PEX11G: variants seen among roughly 807,000 people sequenced by gnomAD.
PEX11G encodes peroxisomal membrane protein 11C.
In PEX11G, 20 loss-of-function variants were observed where a neutral mutation model predicts 22.5. The observed-to-expected ratio is 0.89, with a 90% CI of 0.62 to 1.29. PEX11G has a LOEUF of 1.29. Ranked by LOEUF, PEX11G falls within the 50% of genes most tolerant of loss-of-function variation. PEX11G has a pLI of 0.00. For missense variants in PEX11G, 347 were observed against 331.3 expected (o/e 1.05, Z -0.37); for synonymous variants, 141 against 154.5 (o/e 0.91, Z 0.65).
chr19:7,484,869 T>A (rs1212603857), intron 2 of PEX11G, among the ~76,000 whole-genome samples: 1 of 152,096 alleles, frequency 6.6e-6, no homozygotes, highest in African/African-American at 2.4e-5. Context: ...TAAAATTATA[T>A]CCTCCTTTGG....
Position 7,477,431 on chromosome 19 carries a change from A to G in PEX11G, c.497T>C (p.Leu166Pro). 1 of 1,446,006 alleles carries G rather than the reference A, an allele frequency of 6.9e-7. No homozygotes were observed. 89.6% of individuals were successfully genotyped at this position (1,446,006 alleles called of 1,614,324 possible). The change falls in exon 5 of 5, where the codon CTG becomes CCG. Residue 166 changes from leucine (L) to proline (P), a missense_variant. Leu to Pro is a moderately conservative substitution (Grantham distance 98). Transcript: ENST00000221480. ...CATGGCCCTCCGCTTGCCCCGGGGC[A>G]GCGGGCTGTGGGGCAGAGAGGGGCC... is the stretch of plus-strand genomic sequence containing the variant. ...RSPTAPFTSP[L>P]PRGKRRAMEA...
At chr19:7,485,050 G>C (rs986189203) in intron 2 of PEX11G, among the ~76,000 whole-genome samples, 2 of 152,148 alleles carry the variant, frequency 1.3e-5, no homozygotes, top group Non-Finnish European at 2.9e-5. Flanking sequence ...CCAGCACTCA[G>C]GGAGGCTAAG....
rs1977245803 is a variant in PEX11G, at chr19:7,477,016, CTG to C, written c.*184_*185del. 2.2e-6 allele frequency: 1 copy of C among 460,746 alleles called. No individual in the cohort carries two copies. The highest frequency in any genetic ancestry group is 3.6e-6 in the Non-Finnish European group (1 of 274,718). 28.5% of individuals were successfully genotyped at this position (460,746 alleles called of 1,614,324 possible). ...TGAAGCCCTGCACGGCCCCTGAAAA[CTG>C]TCACGGCTCAGGAGCTCCAGGCTGA... On this transcript the variant is annotated 3_prime_UTR_variant, in exon 5 of 5. Transcript: ENST00000221480.
rs1037409827 is a variant in PEX11G, at chr19:7,477,388, C to T, written c.540G>A (p.Ser180=). 1.0e-5 allele frequency: 16 copies of T among 1,544,938 alleles called. No homozygotes were observed. The highest frequency in any genetic ancestry group is 4.9e-5 in the East Asian group (2 of 41,120). ...KRRAMEAQMQ[S]EALSLLSNLA... Reference sequence around the variant, plus strand: ...GGTTGCTGAGAAGTGACAGCGCCTCCGACTGCATCTGCGCCTCCATGGCCC... The same window carrying T: ...GGTTGCTGAGAAGTGACAGCGCCTCTGACTGCATCTGCGCCTCCATGGCCC... The change falls in exon 5 of 5, where the codon TCG becomes TCA. Residue 180 remains serine, a synonymous_variant. Coordinates refer to ENST00000221480, the MANE Select transcript of PEX11G (RefSeq NM_080662.4).
At chr19:7,488,919 G>C (rs1289134434) in intron 1 of PEX11G, 32 bp downstream of exon 1, 11 of 1,546,608 alleles carry the variant, frequency 7.1e-6, no homozygotes, top group African/African-American at 2.7e-5. Context: ...CCAAACTCTA[G>C]GACCTCCGGC....
intron 1 of PEX11G, among the ~76,000 whole-genome samples, chr19:7,494,159 A>G (rs2021937382): frequency 6.6e-6 from 1 of 152,142 alleles, no homozygotes; most frequent in Admixed American, 6.6e-5. Flanking sequence ...CTCCCATCTC[A>G]GCCTCCTAAA....
At position 7,480,496 on chromosome 19, in the gene PEX11G, T is replaced by G. The variant is rs190852750; in HGVS notation, c.428+1537A>C. 1.4e-3 allele frequency among the ~76,000 whole-genome samples: 211 copies of G among 152,228 alleles called. 1 individual carries two copies. Among genetic ancestry groups the G allele is most frequent in the Non-Finnish European group, 2.1e-3 (143 of 68,018 alleles). On this transcript the variant is annotated intron_variant, in intron 3 of 4. Coordinates refer to ENST00000221480, the MANE Select transcript of PEX11G (RefSeq NM_080662.4). ...CTCCAGGGGCCATGGCCATGAAACATGACCCTTTTGAGACAGCCAAAATGC... is the reference window on the plus strand; with the variant it reads ...CTCCAGGGGCCATGGCCATGAAACAGGACCCTTTTGAGACAGCCAAAATGC...
At chr19:7,481,668 C>T (rs1238767582) in intron 3 of PEX11G, among the ~76,000 whole-genome samples, 2 of 152,110 alleles carry the variant, frequency 1.3e-5, no homozygotes, top group African/African-American at 4.8e-5. Context: ...GGCCATGAGC[C>T]AAGGAATGTG....
At position 7,494,199 on chromosome 19, in the gene PEX11G, G is replaced by A. The variant is rs553413277; in HGVS notation, c.-456-3077C>T. On this transcript the variant is annotated intron_variant, in intron 1 of 6. Coordinates refer to the PEX11G transcript ENST00000593942. The stretch of plus-strand genomic sequence containing the variant: ...TGGGATTACAGGCATGAGCCACTGC[G>A]CCCAGCCACGGGGTCACTGTTTTCA... 3.2e-3 allele frequency among the ~76,000 whole-genome samples: 488 copies of A among 152,226 alleles called. 3 individuals carry two copies. The highest frequency in any genetic ancestry group is 5.5e-3 in the Non-Finnish European group (374 of 68,016).
intron 2 of PEX11G, chr19:7,483,251 C>G (rs2145966355): frequency 6.6e-6 from 1 of 152,470 alleles, no homozygotes; most frequent in East Asian, 1.9e-4. Context: ...TCTGGCCAGT[C>G]ATGATCCTAC....
In PEX11G at chr19:7,486,415, C is replaced by T. The variant is rs143010700; in HGVS notation, c.61-389G>A. ...TGCTGGGATTACAGGCATGAGCCAC[C>T]GTGCCTGACCCAAGAGTTTGGAAGA... On this transcript the variant is annotated intron_variant, in intron 1 of 4. Coordinates refer to ENST00000221480, the MANE Select transcript of PEX11G (RefSeq NM_080662.4). Among the ~76,000 whole-genome samples the T allele has an allele frequency of 5.9e-3, 893 of 152,226 alleles. 11 individuals carry two copies. Among genetic ancestry groups the T allele is most frequent in the African/African-American group, 0.02 (814 of 41,550 alleles).
In PEX11G at chr19:7,482,148, G is replaced by A. The variant is rs779665121; in HGVS notation, c.313C>T (p.Pro105Ser). 1.9e-6 allele frequency: 3 copies of A among 1,593,010 alleles called. No homozygotes were observed. The highest frequency in any genetic ancestry group is 2.6e-6 in the Non-Finnish European group (3 of 1,170,292). Residue 105 changes from proline to serine, a missense_variant, in exon 3 of 5, where the codon CCC (proline) becomes TCC (serine). By Grantham distance (74) the Pro-to-Ser change is moderately conservative (BLOSUM62 -1). Coordinates refer to ENST00000221480, the MANE Select transcript of PEX11G (RefSeq NM_080662.4). ...GCCGCCCAGGCCACGTGCTCACAGG[G>A]GTAGTAGAGCTGGTCAGCCAGGTTC... Reference protein sequence around the residue: ...LGNLADQLYYPCEHVAWAADA... With the variant: ...LGNLADQLYYSCEHVAWAADA...
chr19:7,489,458 C>A (rs982578033), upstream of PEX11G: 1 of 993,046 alleles, frequency 1.0e-6, no homozygotes, highest in African/African-American at 1.7e-5. Context: ...AATATCACAA[C>A]AAGGCATCTT....
upstream of PEX11G, among the ~76,000 whole-genome samples, chr19:7,491,698 GC>G (rs1489135861): frequency 6.6e-6 from 1 of 152,056 alleles, no homozygotes; most frequent in Non-Finnish European, 1.5e-5. Flanking sequence ...GTGTCACCAG[GC>G]TGGAGTGCGG....
chr19:7,481,853 C>A (rs1365182267), intron 3 of PEX11G, among the ~76,000 whole-genome samples, 180 bp downstream of exon 3: 1 of 152,160 alleles, frequency 6.6e-6, no homozygotes, highest in Admixed American at 6.5e-5. Flanking sequence ...TTTGTTCCGA[C>A]AGTTATTCTA....
chr19:7,477,426 G>T lies in PEX11G; in HGVS notation c.502C>A (p.Arg168=). The change falls in exon 5 of 5, where the codon CGG becomes AGG. Residue 168 remains arginine (R), a synonymous_variant. Coordinates refer to ENST00000221480, the MANE Select transcript of PEX11G (RefSeq NM_080662.4). The stretch of plus-strand genomic sequence containing the variant: ...GCCTCCATGGCCCTCCGCTTGCCCC[G>T]GGGCAGCGGGCTGTGGGGCAGAGAG... ...PTAPFTSPLP[R]GKRRAMEAQM... The T allele has an allele frequency of 6.9e-7, 1 of 1,450,952 alleles. No homozygotes were observed. The highest frequency in any genetic ancestry group is 9.0e-7 in the Non-Finnish European group (1 of 1,106,628). 89.9% of individuals were successfully genotyped at this position (1,450,952 alleles called of 1,614,324 possible). A position where few individuals can be genotyped will look rare whatever the true frequency, so the allele number is the denominator to read the frequency against.
At chr19:7,477,531 C>A (rs1977279458) in intron 4 of PEX11G, 95 bp from the exon 5 acceptor site, 1 of 1,079,184 alleles carries the variant, frequency 9.3e-7, no homozygotes, top group South Asian at 2.0e-5. Context: ...AGCCCTGAGC[C>A]CCTGCCTGTG....
Position 7,488,941 on chromosome 19 carries a change from C to A in PEX11G, c.60+10G>T. Reference sequence around the variant, plus strand: ...CTAGGACCTCCGGCCCCGGTCCGCCCCTGCCTCACCAGGCGGTCCCGGCCC... The same window carrying A: ...CTAGGACCTCCGGCCCCGGTCCGCCACTGCCTCACCAGGCGGTCCCGGCCC... On this transcript the variant is annotated intron_variant, in intron 1 of 4. Coordinates refer to ENST00000221480, the MANE Select transcript of PEX11G (RefSeq NM_080662.4). 6.4e-7 allele frequency: 1 copy of A among 1,550,938 alleles called. No homozygotes were observed. The highest frequency in any genetic ancestry group is 1.2e-5 in the South Asian group (1 of 84,198).
intron 1 of PEX11G, among the ~76,000 whole-genome samples, chr19:7,494,754 A>T (rs1452316580): frequency 2.6e-5 from 4 of 152,174 alleles, no homozygotes; most frequent in Admixed American, 2.0e-4. Context: ...CCTGCTGGAC[A>T]TAAACAATCT....
Sources: allele counts gnomAD v4.1 joint callset (sites outside exome capture counted in the v4.1 genomes callset), GRCh38; gene constraint gnomAD v4.1.1; transcripts MANE v1.5; gene names NCBI Gene and HGNC (gene_info 2026-07-23, HGNC 2026-07-21).